FCHO2: variants seen among roughly 807,000 people sequenced by gnomAD.
FCHO2 encodes F-BAR domain only protein 2.
Under a neutral mutation model 114.1 loss-of-function variants are expected in FCHO2, and 43 were observed. The observed-to-expected ratio is 0.38, with a 90% confidence interval of 0.30 to 0.49. The LOEUF (loss-of-function observed/expected upper bound fraction) is 0.49, where lower values mean the gene tolerates loss of function less well. Ranked by LOEUF, FCHO2 falls within the 20% of genes least tolerant of loss-of-function variation. FCHO2 has a pLI of 0.97. For synonymous variants in FCHO2, 293 were observed against 315.2 expected (o/e 0.93, Z 0.75); for missense variants, 807 against 950.4 (o/e 0.85, Z 1.98).
chr5:72,997,541 G>A, intron 5 of FCHO2: 1 of 1,340,400 alleles, frequency 7.5e-7, no homozygotes, highest in Non-Finnish European at 1.1e-6. Flanking sequence ...TGACCCCAGT[G>A]ACACAACCCT....
At chr5:73,073,994 G>C (rs573692810) in intron 19 of FCHO2, among the ~76,000 whole-genome samples, 1 of 151,978 alleles carries the variant, frequency 6.6e-6, no homozygotes, top group Non-Finnish European at 1.5e-5. Context: ...AGAAGAGTGC[G>C]TTTGTGAAGA....
chr5:73,065,805 C>T (rs716327), intron 18 of FCHO2, among the ~76,000 whole-genome samples: 45,215 of 151,556 alleles, frequency 0.3, 6,972 homozygotes, highest in East Asian at 0.44. Flanking sequence ...TATTGCATAC[C>T]GGCAGAATCT....
chr5:73,077,577 C>T, intron 21 of FCHO2, 84 bp downstream of exon 21: 1 of 1,401,644 alleles, frequency 7.1e-7, no homozygotes, highest in Non-Finnish European at 9.5e-7. Context: ...CGCCTGTAAT[C>T]CCAGCAGTTT....
chr5:73,084,561 C>T (rs1249581409), intron 24 of FCHO2, among the ~76,000 whole-genome samples: 2 of 152,192 alleles, frequency 1.3e-5, no homozygotes, highest in Non-Finnish European at 2.9e-5. Flanking sequence ...CCACCATGCT[C>T]AGCCTAGTCT....
At chr5:73,022,915 CA>C (rs1400517644) in intron 8 of FCHO2, among the ~76,000 whole-genome samples, 1 of 152,118 alleles carries the variant, frequency 6.6e-6, no homozygotes, top group Non-Finnish European at 1.5e-5. Context: ...ATCAACAGTC[CA>C]AGCCTATATC....
At chr5:72,999,346 A>C (rs981145621) in intron 5 of FCHO2, among the ~76,000 whole-genome samples, 10 of 149,410 alleles carry the variant, frequency 6.7e-5, no homozygotes, top group Non-Finnish European at 1.3e-4. Context: ...GTTATAACAT[A>C]ATTTGGTTAT....
At chr5:73,084,346 A>G (rs1442398391) in intron 24 of FCHO2, among the ~76,000 whole-genome samples, 2 of 151,882 alleles carry the variant, frequency 1.3e-5, no homozygotes, top group East Asian at 1.9e-4. Flanking sequence ...GCTCACTGCA[A>G]CCTCTGCCTC....
rs558783377 is a variant in FCHO2 at position 72,975,838 on chromosome 5, T to C, written c.125+7249T>C. 8.5e-5 allele frequency among the ~76,000 whole-genome samples: 13 copies of C among 152,278 alleles called. No individual in the cohort carries two copies. The East Asian group carries it at 2.5e-3, about 29-fold the overall frequency. ...TTCATTTTAGTGCTGAATAATATTT[T>C]GTTGTCTGGATGTACTACATTTTAT... On this transcript the variant is annotated intron_variant, in intron 2 of 25. Coordinates refer to ENST00000430046, the MANE Select transcript of FCHO2 (RefSeq NM_138782.3).
At chr5:73,014,168 C>T (rs1014162999) in intron 6 of FCHO2, among the ~76,000 whole-genome samples, 21 of 152,202 alleles carry the variant, frequency 1.4e-4, no homozygotes, top group African/African-American at 5.1e-4. Context: ...GGTGATCTAA[C>T]ACATCCTCAC....
At chr5:72,989,403 T>C (rs1462633111) in intron 2 of FCHO2, 24 bp from the exon 3 acceptor site, 2 of 1,567,374 alleles carry the variant, frequency 1.3e-6, no homozygotes, top group Non-Finnish European at 1.7e-6. Context: ...AGAAGTATTA[T>C]GATGTGGATA....
Position 72,986,491 on chromosome 5 carries a change from A to T in FCHO2, c.126-2936A>T, listed in dbSNP as rs527720567. On this transcript the variant is annotated intron_variant, in intron 2 of 25. Transcript: ENST00000430046. ...ACCCCCAAGGAAGAAGCTGCCCGAC[A>T]TACCTGACTGACTTGTCTGGATGCC... 2.6e-5 allele frequency among the ~76,000 whole-genome samples: 4 copies of T among 152,284 alleles called. No homozygotes were observed. In the South Asian group the frequency reaches 8.3e-4, roughly 32 times the overall value.
chr5:73,077,208 G>C lies in FCHO2; in HGVS notation c.1692-130G>C, dbSNP rs138290512. The C allele has an allele frequency of 2.3e-3, 1,401 of 604,686 alleles. 14 individuals are homozygous for C. In the African/African-American group the frequency reaches 0.025, roughly 11 times the overall value. 37.5% of individuals were successfully genotyped at this position (604,686 alleles called of 1,614,324 possible). On this transcript the variant is annotated intron_variant, in intron 20 of 25. Transcript: ENST00000430046. ...AAAAATAATCTATAGTTATGATAAA[G>C]GATATAGATATACACACATATAGGT...
chr5:72,989,616 A>G (rs974458283), intron 3 of FCHO2, 115 bp downstream of exon 3: 143 of 659,008 alleles, frequency 2.2e-4, no homozygotes, highest in African/African-American at 2.0e-3. Flanking sequence ...TGCTTATTTA[A>G]AAGTATCTGT....
Position 73,063,937 on chromosome 5 carries a change from A to T in FCHO2, c.1442A>T (p.Asn481Ile). The T allele has an allele frequency of 6.2e-7, 1 of 1,607,922 alleles. No individual in the cohort carries two copies. Among genetic ancestry groups the T allele is most frequent in the Non-Finnish European group, 8.5e-7 (1 of 1,176,556 alleles). The change falls in exon 18 of 26, where the codon AAT becomes ATT. Residue 481 changes from asparagine (N) to isoleucine (I), a missense_variant. Coordinates refer to ENST00000430046, the MANE Select transcript of FCHO2 (RefSeq NM_138782.3). Reference protein sequence around the residue: ...KLTSGKLSGINEIPRPFSPPV... With the variant: ...KLTSGKLSGIIEIPRPFSPPV... Reference sequence around the variant, plus strand: ...ACTTCAGGCAAACTCAGTGGGATTAATGAAATAGTATGTACTCAGGTTTTT... The same window carrying T: ...ACTTCAGGCAAACTCAGTGGGATTATTGAAATAGTATGTACTCAGGTTTTT...
chr5:72,996,325 A>C (rs1343880426), intron 5 of FCHO2, among the ~76,000 whole-genome samples: 1 of 152,136 alleles, frequency 6.6e-6, no homozygotes, highest in Admixed American at 6.5e-5. Context: ...ACTCTTGCAA[A>C]GAAAAGGGGA....
intron 18 of FCHO2, among the ~76,000 whole-genome samples, chr5:73,068,237 T>A (rs1742456770): frequency 6.6e-6 from 1 of 152,066 alleles, no homozygotes; most frequent in African/African-American, 2.4e-5. Flanking sequence ...TTTTAATCCC[T>A]TTTTCTTCTT....
chr5:72,968,417 A>T, intron 1 of FCHO2, 81 bp from the exon 2 acceptor site: 2 of 937,642 alleles, frequency 2.1e-6, no homozygotes, highest in Non-Finnish European at 3.1e-6. Context: ...AGGATTGCAT[A>T]TTAGTTAATG....
intron 17 of FCHO2, among the ~76,000 whole-genome samples, chr5:73,063,321 A>G (rs1757931140): frequency 1.3e-5 from 2 of 152,104 alleles, no homozygotes. Context: ...TTAGTAAACT[A>G]ATAGAATATC....
At position 72,956,188 on chromosome 5, in the gene FCHO2, C is replaced by T; in HGVS notation, c.33+59C>T. The T allele has an allele frequency of 4.6e-6, 7 of 1,506,148 alleles. No homozygotes were observed. In the South Asian group the frequency reaches 6.2e-5, roughly 13 times the overall value. 93.3% of individuals were successfully genotyped at this position (1,506,148 alleles called of 1,614,324 possible). On this transcript the variant is annotated intron_variant, in intron 1 of 25. Coordinates refer to ENST00000430046, the MANE Select transcript of FCHO2 (RefSeq NM_138782.3). ...AAGTCCAAGGCTTTTGGCGCCTGAG[C>T]TTGGCCTGCGTGCGCTTCGGGCGGC...
Sources: allele counts gnomAD v4.1 joint callset (sites outside exome capture counted in the v4.1 genomes callset), GRCh38; gene constraint gnomAD v4.1.1; transcripts MANE v1.5; gene names NCBI Gene and HGNC (gene_info 2026-07-23, HGNC 2026-07-21).